Variants in SPOCD1 observed in about 807,000 individuals in gnomAD.
The protein encoded by SPOCD1 is SPOC domain-containing protein 1.
A neutral mutation model predicts 92.2 loss-of-function variants in SPOCD1; 64 were observed. The observed-to-expected ratio is 0.69, with a 90% CI of 0.57 to 0.86. The LOEUF (loss-of-function observed/expected upper bound fraction) is 0.86, where lower values mean the gene tolerates loss of function less well. SPOCD1 is among the 40% of genes least tolerant of loss of function. The pLI is 0.00. For synonymous variants in SPOCD1, 578 were observed against 619.3 expected (o/e 0.93, Z 0.99); for missense variants, 1,360 against 1,543.1 (o/e 0.88, Z 1.99).
At chr1:31,809,732 C>T (rs949942115) in intron 2 of SPOCD1, among the ~76,000 whole-genome samples, 2 of 152,136 alleles carry the variant, frequency 1.3e-5, no homozygotes, top group African/African-American at 2.4e-5. Context: ...GTTGGGGCAA[C>T]GATCATTATC....
At chr1:31,809,759 A>ACACTATTC (rs1269788676) in intron 2 of SPOCD1, among the ~76,000 whole-genome samples, 17 of 152,186 alleles carry the variant, frequency 1.1e-4, no homozygotes, top group Non-Finnish European at 2.4e-4. Context: ...CGAGACTCTT[A>ACACTATTC]GAACAGTGCC....
intron 2 of SPOCD1, among the ~76,000 whole-genome samples, chr1:31,808,416 G>C (rs1247659506): frequency 6.6e-6 from 1 of 150,432 alleles, no homozygotes; most frequent in Non-Finnish European, 1.5e-5. Context: ...CTCAGAAATG[G>C]AAAAAACACA....
Position 31,799,442 on chromosome 1 carries a change from C to T in SPOCD1, c.1827G>A (p.Arg609=). 6.2e-7 allele frequency: 1 copy of T among 1,611,932 alleles called. No homozygotes were observed. The highest frequency in any genetic ancestry group is 8.5e-7 in the Non-Finnish European group (1 of 1,179,246). ...QEKPSLYIGV[R]GTVVRSMQEV... Reference sequence around the variant, plus strand: ...CCTGCATGGAACGGACAACAGTGCCCCGCACCCCAATATACAGGGATGGCT... The same window carrying T: ...CCTGCATGGAACGGACAACAGTGCCTCGCACCCCAATATACAGGGATGGCT... The change falls in exon 7 of 16, where the codon CGG becomes CGA. Residue 609 remains arginine (R), a synonymous_variant. Transcript: ENST00000360482.
Position 31,815,079 on chromosome 1 carries a change from C to T in SPOCD1, c.255G>A (p.Leu85=). 2 of 1,613,790 alleles carry T rather than the reference C, an allele frequency of 1.2e-6. No homozygotes were observed. Among genetic ancestry groups the T allele is most frequent in the Non-Finnish European group, 1.7e-6 (2 of 1,180,012 alleles). Residue 85 remains leucine, a synonymous_variant, in exon 2 of 16, where the codon CTG becomes CTA. Transcript: ENST00000360482. Reference sequence around the variant, plus strand: ...AGCCCCGGCTCTGTACCACAGCTAGCAGCTCCAAGACCCCTGGCCGGACCT... The same window carrying T: ...AGCCCCGGCTCTGTACCACAGCTAGTAGCTCCAAGACCCCTGGCCGGACCT... ...AAEVRPGVLE[L]LAVVQSRGSM... is the part of the protein sequence containing the mutation.
chr1:31,800,272 C>T (rs1557822993), intron 4 of SPOCD1, 131 bp from the exon 5 acceptor site: 3 of 1,479,010 alleles, frequency 2.0e-6, no homozygotes, highest in East Asian at 4.9e-5. Context: ...GAAAGTAGTA[C>T]ACATGGAGCC....
chr1:31,790,923 A>G lies in SPOCD1; in HGVS notation c.3331T>C (p.Trp1111Arg). The change falls in exon 16 of 16, where the codon TGG becomes CGG. Residue 1111 changes from tryptophan to arginine, a missense_variant. By Grantham distance (101) the Trp-to-Arg change is moderately radical. Around this residue, in one of 3 missense-constraint regions of SPOCD1, gnomAD observed 614 missense variants for 757.8 expected, o/e 0.81. Transcript: ENST00000360482. ...ENWQHPGRGQ[W>R]PPEPGLRQSQ... Reference sequence around the variant, plus strand: ...TGGCGCAAGCCTGGCTCTGGGGGCCACTGCCCTCGCCCAGGATGCTGCCAG... The same window carrying G: ...TGGCGCAAGCCTGGCTCTGGGGGCCGCTGCCCTCGCCCAGGATGCTGCCAG... 6.3e-7 allele frequency: 1 copy of G among 1,580,894 alleles called. No homozygotes were observed. The highest frequency in any genetic ancestry group is 8.6e-7 in the Non-Finnish European group (1 of 1,164,362).
chr1:31,798,763 A>C lies in SPOCD1; in HGVS notation c.1869-162T>G. The C allele has an allele frequency of 1.5e-6, 1 of 678,818 alleles. No homozygotes were observed. The allele number at this position is 678,818 out of a possible 1,614,324, so 42.0% of individuals were successfully genotyped here. A position where few individuals can be genotyped will look rare whatever the true frequency, so the allele number is the denominator to read the frequency against. On this transcript the variant is annotated intron_variant, in intron 7 of 15. Transcript: ENST00000360482. This position sits in a 1 kb window ranked among gnomAD's most constrained non-coding sequence, Gnocchi z 4.1. ...TACTTATTCTCACCCCAACTCCGTG[A>C]GGAGGAAATAGGATCATTCTCCTTT...
intron 2 of SPOCD1, among the ~76,000 whole-genome samples, chr1:31,810,404 AAGGCAGGGGCACCAGCAC>A (rs935559749): frequency 2.1e-5 from 3 of 145,468 alleles, no homozygotes; most frequent in African/African-American, 5.1e-5. Flanking sequence ...CCCAGGCTGG[AAGGCAGGGGCACCAGCAC>A]AGCTTACTAT....
chr1:31,813,667 G>A (rs1557832894), intron 2 of SPOCD1, among the ~76,000 whole-genome samples: 1 of 152,176 alleles, frequency 6.6e-6, no homozygotes, highest in Non-Finnish European at 1.5e-5. Context: ...GAGAGGTTAA[G>A]AAAACATCCC....
At position 31,814,070 on chromosome 1, in the gene SPOCD1, T is replaced by A. The variant is rs759963013; in HGVS notation, c.1264A>T (p.Thr422Ser). The A allele has an allele frequency of 4.3e-5, 69 of 1,613,666 alleles. No homozygotes were observed. In the Admixed American group the frequency reaches 1.1e-3, roughly 25 times the overall value. The change falls in exon 2 of 16, where the codon ACT (threonine) becomes TCT (serine). Residue 422 changes from threonine (T) to serine (S), a missense_variant. Thr to Ser is a moderately conservative substitution (Grantham distance 58). This residue lies in a region of SPOCD1 where 606 missense variants were observed against 601.5 expected (regional missense o/e 1.01). Transcript: ENST00000360482. This position sits in a 1 kb window ranked among gnomAD's most constrained non-coding sequence, Gnocchi z 4.2. ...PFMEQRRSKGTKNLKKGPVPC... is the reference protein window; with the variant it reads ...PFMEQRRSKGSKNLKKGPVPC... ...ACTGGACCTTTCTTCAGGTTCTTAG[T>A]GCCCTTGGATCTTCTCTGCTCCATG...
chr1:31,800,621 C>T lies in SPOCD1; in HGVS notation c.1426-4G>A, dbSNP rs779501580. 230 of 1,594,806 alleles carry T rather than the reference C, an allele frequency of 1.4e-4. No homozygotes were observed. Among genetic ancestry groups the T allele is most frequent in the Non-Finnish European group, 1.9e-4 (217 of 1,168,138 alleles). On this transcript the variant is annotated splice_polypyrimidine_tract_variant and splice_region_variant and intron_variant, in intron 3 of 15. Coordinates refer to ENST00000360482, the MANE Select transcript of SPOCD1 (RefSeq NM_144569.7). ...GGATCACTGGCCCGGAACCCAGCTG[C>T]GGGGGAGATCGCACTTCAGAAGCAA...
At position 31,790,925 on chromosome 1, in the gene SPOCD1, TG is replaced by T. The variant is rs747341026; in HGVS notation, c.3328del (p.Gln1110SerfsTer17). 1.3e-6 allele frequency: 2 copies of T among 1,578,970 alleles called. No homozygotes were observed. The highest frequency in any genetic ancestry group is 1.7e-6 in the Non-Finnish European group (2 of 1,163,896). On this transcript the variant is annotated frameshift_variant, in exon 16 of 16. Coordinates refer to ENST00000360482, the MANE Select transcript of SPOCD1 (RefSeq NM_144569.7). LOFTEE classifies it low-confidence loss of function (END_TRUNC). ...GCGCAAGCCTGGCTCTGGGGGCCAC[TG>T]CCCTCGCCCAGGATGCTGCCAGTTT... ...PENWQHPGRG[Q>X]WPPEPGLRQS...
intron 2 of SPOCD1, among the ~76,000 whole-genome samples, chr1:31,807,815 A>T: frequency 6.6e-6 from 1 of 152,148 alleles, no homozygotes; most frequent in Non-Finnish European, 1.5e-5. Context: ...TATAATTACA[A>T]GTGCGCAGTC....
At chr1:31,805,077 G>A (rs1048278935) in intron 2 of SPOCD1, among the ~76,000 whole-genome samples, 2 of 144,642 alleles carry the variant, frequency 1.4e-5, no homozygotes, top group African/African-American at 5.1e-5. Flanking sequence ...CACTTCCCGG[G>A]TTCAAGCGAT....
Position 31,800,187 on chromosome 1 carries a change from G to A in SPOCD1, c.1603-46C>T, listed in dbSNP as rs763921379. 3 of 1,539,460 alleles carry A rather than the reference G, an allele frequency of 1.9e-6. No individual in the cohort carries two copies. The African/African-American group carries it at 4.2e-5, about 21-fold the overall frequency. On this transcript the variant is annotated intron_variant, in intron 4 of 15. Coordinates refer to ENST00000360482, the MANE Select transcript of SPOCD1 (RefSeq NM_144569.7). Reference sequence around the variant, plus strand: ...AGCTATTGGCCGGAAATGGAGGCCAGGGACTGTTCCCTCCCCAGATGTACT... The same window carrying A: ...AGCTATTGGCCGGAAATGGAGGCCAAGGACTGTTCCCTCCCCAGATGTACT...
At chr1:31,799,057 G>A (rs544302989) in intron 7 of SPOCD1, among the ~76,000 whole-genome samples, 26 of 152,202 alleles carry the variant, frequency 1.7e-4, no homozygotes, top group African/African-American at 6.0e-4. Context: ...CTGAGCCTTG[G>A]TCTCCCCATC....
intron 15 of SPOCD1, 174 bp from the exon 16 acceptor site, chr1:31,791,465 TG>T (rs1249666271): frequency 4.0e-6 from 2 of 499,906 alleles, no homozygotes; most frequent in Non-Finnish European, 6.8e-6. Context: ...TGGCTGAGGC[TG>T]GGGTATGGAT....
At chr1:31,796,030 G>C (rs1435806451) in intron 10 of SPOCD1, 2 of 171,544 alleles carry the variant, frequency 1.2e-5, no homozygotes, top group African/African-American at 4.8e-5. Context: ...GGCCAAGGGA[G>C]AGGAAGGAGC....
Position 31,814,446 on chromosome 1 carries a change from C to A in SPOCD1, c.888G>T (p.Gln296His). The A allele has an allele frequency of 6.2e-7, 1 of 1,603,466 alleles. No homozygotes were observed. The highest frequency in any genetic ancestry group is 8.5e-7 in the Non-Finnish European group (1 of 1,174,300). Residue 296 changes from glutamine (Q) to histidine (H), a missense_variant, in exon 2 of 16, where the codon CAG becomes CAT. Physicochemically the swap from Gln to His is conservative, Grantham distance 24. Coordinates refer to ENST00000360482, the MANE Select transcript of SPOCD1 (RefSeq NM_144569.7). This position sits in a 1 kb window ranked among gnomAD's most constrained non-coding sequence, Gnocchi z 4.2. Reference protein sequence around the residue: ...GYLPATGDGPQPGSPCGPVGF... With the variant: ...GYLPATGDGPHPGSPCGPVGF... Reference sequence around the variant, plus strand: ...CGACAGGGCCACAGGGGCTGCCTGGCTGGGGCCCATCCCCTGTAGCGGGCA... The same window carrying A: ...CGACAGGGCCACAGGGGCTGCCTGGATGGGGCCCATCCCCTGTAGCGGGCA...
Sources: gnomAD v4.1 joint callset for allele counts (sites outside exome capture counted in the v4.1 genomes callset) on GRCh38, gnomAD v4.1.1 for gene constraint, gnomAD v4.1.1 regional missense constraint, Gnocchi (gnomAD v3.1) non-coding constraint, MANE v1.5 for transcripts, NCBI Gene and HGNC (gene_info 2026-07-23, HGNC 2026-07-21) for gene names.